KAZN: variants seen among roughly 807,000 people sequenced by gnomAD.
KAZN encodes the protein kazrin.
A neutral mutation model predicts 87.4 loss-of-function variants in KAZN; 40 were observed. The ratio of observed to expected loss-of-function variants is 0.46; its 90% CI spans 0.36 to 0.60. KAZN has a LOEUF of 0.60. Ranked by LOEUF, KAZN falls within the 20% of genes least tolerant of loss-of-function variation. The probability of loss-of-function intolerance (pLI) is 0.00; values close to 1 mark genes in which losing one functional copy is unlikely to be tolerated. For synonymous variants in KAZN, 466 were observed against 458.3 expected (o/e 1.02, Z -0.22); for missense variants, 898 against 1,073.9 (o/e 0.84, Z 2.29).
chr1:14,412,878 A>G (rs990220532), intron 2 of KAZN, among the ~76,000 whole-genome samples: 1 of 150,934 alleles, frequency 6.6e-6, no homozygotes, highest in Non-Finnish European at 1.5e-5. Context: ...AGTCATGAAG[A>G]CACTGTGATA....
rs544207490 is a variant in KAZN at position 14,305,499 on chromosome 1, C to T, written c.249+124907C>T. On this transcript the variant is annotated intron_variant, in intron 2 of 16. Coordinates refer to the KAZN transcript ENST00000636203. ...ATCCTGCAGTCAAGATCAAACATGCCCATTTGCTGAACCAAAATACAGGAT... is the reference window on the plus strand; with the variant it reads ...ATCCTGCAGTCAAGATCAAACATGCTCATTTGCTGAACCAAAATACAGGAT... Among the ~76,000 whole-genome samples the T allele has an allele frequency of 1.2e-3, 185 of 152,154 alleles. 1 individual carries two copies. Among genetic ancestry groups the T allele is most frequent in the African/African-American group, 4.0e-3 (167 of 41,528 alleles).
chr1:14,377,526 C>T (rs926374198), intron 2 of KAZN, among the ~76,000 whole-genome samples: 1 of 152,160 alleles, frequency 6.6e-6, no homozygotes, highest in Non-Finnish European at 1.5e-5. Flanking sequence ...ATCTCGACTC[C>T]TCATACTCTA....
chr1:14,067,643 T>A (rs902776397), intron 1 of KAZN, among the ~76,000 whole-genome samples: 9 of 152,026 alleles, frequency 5.9e-5, no homozygotes, highest in African/African-American at 2.2e-4. Flanking sequence ...TCCCCCCCCA[T>A]ACTGCTTCCT....
chr1:14,496,419 T>C (rs1444114073), intron 2 of KAZN, among the ~76,000 whole-genome samples: 2 of 152,160 alleles, frequency 1.3e-5, no homozygotes, highest in Non-Finnish European at 1.5e-5. Context: ...AAAATTGATA[T>C]TCATAGACTC....
chr1:14,069,463 C>A (rs1286950145), intron 1 of KAZN, among the ~76,000 whole-genome samples: 1 of 152,140 alleles, frequency 6.6e-6, no homozygotes, highest in Non-Finnish European at 1.5e-5. Context: ...AAAAGTAAGA[C>A]CTGTTTACTT....
intron 1 of KAZN, among the ~76,000 whole-genome samples, chr1:14,913,768 G>A (rs937108072): frequency 4.6e-5 from 7 of 152,234 alleles, no homozygotes; most frequent in Non-Finnish European, 7.3e-5. Context: ...GCTAGGAGTC[G>A]CTCGGGCTGA....
At chr1:14,973,408 A>G (rs1368681236) in intron 2 of KAZN, among the ~76,000 whole-genome samples, 1 of 152,234 alleles carries the variant, frequency 6.6e-6, no homozygotes, top group African/African-American at 2.4e-5. Context: ...GCCAGTTGCC[A>G]TGAGAGCACA....
At chr1:15,009,328 G>A (rs74800251) in intron 2 of KAZN, among the ~76,000 whole-genome samples, 3,048 of 152,282 alleles carry the variant, frequency 0.02, 112 homozygotes, top group African/African-American at 0.07. Flanking sequence ...GAGGGAGGGC[G>A]CCATGTGACA....
intron 2 of KAZN, among the ~76,000 whole-genome samples, chr1:15,013,753 CAA>C (rs906482222): frequency 6.0e-5 from 8 of 133,688 alleles, no homozygotes; most frequent in Non-Finnish European, 6.4e-5. Context: ...GACTCCATCT[CAA>C]AAAAAAAAAA....
intron 2 of KAZN, among the ~76,000 whole-genome samples, chr1:14,485,442 C>A (rs1669298274): frequency 6.6e-6 from 1 of 152,130 alleles, no homozygotes. Context: ...GGGCCAGGGG[C>A]AAAAGCAGCT....
intron 1 of KAZN, among the ~76,000 whole-genome samples, chr1:14,118,476 G>T (rs1644678290): frequency 6.6e-6 from 1 of 152,094 alleles, no homozygotes; most frequent in South Asian, 2.1e-4. Context: ...TCTTTGTCTT[G>T]CTCAGTGAGT....
intron 2 of KAZN, among the ~76,000 whole-genome samples, chr1:14,353,286 G>A (rs1204875639): frequency 4.7e-5 from 7 of 149,922 alleles, no homozygotes; most frequent in South Asian, 4.2e-4. Context: ...GTGCAGTGGC[G>A]CGATCTTGGC....
intron 1 of KAZN, among the ~76,000 whole-genome samples, chr1:14,159,025 A>G (rs942780729): frequency 1.3e-5 from 2 of 151,958 alleles, no homozygotes; most frequent in Non-Finnish European, 2.9e-5. Context: ...TCCTGTGGCC[A>G]CCACCACTAA....
chr1:14,533,931 C>T (rs1292202832), intron 2 of KAZN, among the ~76,000 whole-genome samples: 7 of 152,196 alleles, frequency 4.6e-5, no homozygotes, highest in Non-Finnish European at 2.9e-5. Flanking sequence ...TGCAAAGAAA[C>T]ATCCTTGCCT....
intron 2 of KAZN, among the ~76,000 whole-genome samples, chr1:14,465,708 C>G (rs1030369538): frequency 2.0e-5 from 3 of 152,102 alleles, no homozygotes; most frequent in Non-Finnish European, 4.4e-5. Flanking sequence ...ACTCAACAGG[C>G]AGAGTAGAAA....
intron 1 of KAZN, among the ~76,000 whole-genome samples, chr1:13,970,148 A>G (rs1642086249): frequency 6.6e-6 from 1 of 152,244 alleles, no homozygotes; most frequent in South Asian, 2.1e-4. Context: ...TGAAAGGTCA[A>G]ATAAGTATAT....
At chr1:14,733,318 TG>T (rs1264260058) in intron 1 of KAZN, among the ~76,000 whole-genome samples, 15 of 152,206 alleles carry the variant, frequency 9.9e-5, no homozygotes, top group Non-Finnish European at 8.8e-5. Context: ...GAAGAGGAAA[TG>T]GCATTTATTT....
intron 2 of KAZN, among the ~76,000 whole-genome samples, chr1:14,419,595 G>A (rs1275712576): frequency 6.6e-6 from 1 of 152,188 alleles, no homozygotes; most frequent in Non-Finnish European, 1.5e-5. Context: ...CTCGCGATTT[G>A]AGTGTTACAG....
intron 1 of KAZN, among the ~76,000 whole-genome samples, chr1:14,035,130 T>C (rs924071443): frequency 2.6e-5 from 4 of 152,216 alleles, no homozygotes; most frequent in African/African-American, 9.6e-5. Context: ...CATAGCCTCA[T>C]TGTCCTGTCA....
Sources: allele counts gnomAD v4.1 joint callset (sites outside exome capture counted in the v4.1 genomes callset), GRCh38; gene constraint gnomAD v4.1.1; transcripts MANE v1.5; gene names NCBI Gene and HGNC (gene_info 2026-07-23, HGNC 2026-07-21).